NAMPT: variants seen among roughly 807,000 people sequenced by gnomAD.
NAMPT encodes NAmPRTase.
NAMPT carries 7 observed loss-of-function variants against 58.7 expected under a neutral mutation model. The observed-to-expected ratio is 0.12, with a 90% CI of 0.07 to 0.22. The LOEUF is 0.22. Among genes scored for constraint, NAMPT ranks in the 10% least tolerant of loss-of-function variants. The pLI is 1.00. For synonymous variants in NAMPT, 145 were observed against 198.1 expected, an observed-to-expected ratio of 0.73 and a Z score of 2.25; for missense variants, 271 against 567.9, an observed-to-expected ratio of 0.48 and a Z score of 5.31.
chr7:106,254,575 G>A, intron 8 of NAMPT, 71 bp from the exon 9 acceptor site: 3 of 1,485,902 alleles, frequency 2.0e-6, no homozygotes, highest in South Asian at 2.3e-5. Flanking sequence ...ATTTTCAAGG[G>A]ACAATATTGA....
At chr7:106,260,132 G>T (rs925161057) in intron 8 of NAMPT, among the ~76,000 whole-genome samples, 1 of 152,190 alleles carries the variant, frequency 6.6e-6, no homozygotes, top group African/African-American at 2.4e-5. Context: ...AGCAGATGTT[G>T]TCTTCTCTCT....
At chr7:106,277,840 T>C (rs1792680900) in intron 1 of NAMPT, among the ~76,000 whole-genome samples, 1 of 152,230 alleles carries the variant, frequency 6.6e-6, no homozygotes, top group South Asian at 2.1e-4. Context: ...CACAAATTTC[T>C]TTTCCATGAA....
In NAMPT at chr7:106,250,232, T is replaced by C. The variant is rs1289200654; in HGVS notation, c.*851A>G. 6.6e-6 allele frequency: 1 copy of C among 152,384 alleles called. No individual in the cohort carries two copies. Among genetic ancestry groups the C allele is most frequent in the African/African-American group, 2.4e-5 (1 of 41,410 alleles). The allele number at this position is 152,384 out of a possible 1,614,324, so 9.4% of individuals were successfully genotyped here. On this transcript the variant is annotated 3_prime_UTR_variant, in exon 11 of 11. Coordinates refer to ENST00000222553, the MANE Select transcript of NAMPT (RefSeq NM_005746.3). ...CTTCCACTTTTGTAAGTATTTTACA[T>C]TTATGTATATATTCTATAGTGGAAG...
chr7:106,274,180 A>T (rs891879583), intron 3 of NAMPT, among the ~76,000 whole-genome samples: 2 of 151,724 alleles, frequency 1.3e-5, no homozygotes, highest in Non-Finnish European at 2.9e-5. Context: ...CTCACTATAC[A>T]GTGAGAAACT....
At chr7:106,252,902 A>G in intron 10 of NAMPT, 115 bp downstream of exon 10, 1 of 1,302,000 alleles carries the variant, frequency 7.7e-7, no homozygotes, top group Non-Finnish European at 1.0e-6. Flanking sequence ...ACATTTTATA[A>G]TAAAATATAA....
intron 4 of NAMPT, among the ~76,000 whole-genome samples, chr7:106,271,613 ATTAG>A (rs575649484): frequency 1.2e-4 from 19 of 152,172 alleles, no homozygotes; most frequent in Admixed American, 5.2e-4. Context: ...TGAGTGTATT[ATTAG>A]TTAATGGCCC....
At chr7:106,276,851 A>C (rs1792656740) in intron 2 of NAMPT, 172 bp downstream of exon 2, 1 of 595,454 alleles carries the variant, frequency 1.7e-6, no homozygotes, top group Non-Finnish European at 2.9e-6. Context: ...TCCAAAAAAA[A>C]AAAAAAACCT....
intron 4 of NAMPT, chr7:106,272,149 A>C: frequency 2.8e-6 from 1 of 357,538 alleles, no homozygotes; most frequent in Non-Finnish European, 5.6e-6. Flanking sequence ...AGAAGTTGGA[A>C]TAAAGTTCCT....
intron 1 of NAMPT, among the ~76,000 whole-genome samples, chr7:106,277,531 C>T (rs914002428): frequency 6.6e-6 from 1 of 152,280 alleles, no homozygotes; most frequent in Non-Finnish European, 1.5e-5. Flanking sequence ...AAGGAATGAA[C>T]TGAAAGACAG....
upstream of NAMPT, chr7:106,285,032 G>A (rs1029262947): frequency 2.9e-5 from 40 of 1,397,984 alleles, no homozygotes; most frequent in African/African-American, 4.3e-5. Context: ...AGAGGGGAGG[G>A]GTCAGAGGAG....
At chr7:106,276,913 T>A in intron 2 of NAMPT, 110 bp downstream of exon 2, 1 of 851,820 alleles carries the variant, frequency 1.2e-6, no homozygotes. Context: ...CACACCAAAT[T>A]ATATGATTTA....
chr7:106,265,426 A>G (rs1792391582), intron 6 of NAMPT, among the ~76,000 whole-genome samples: 2 of 151,114 alleles, frequency 1.3e-5, no homozygotes, highest in Non-Finnish European at 3.0e-5. Flanking sequence ...TTTTTCCCCT[A>G]TTTCTATGGT....
Position 106,250,819 on chromosome 7 carries a change from G to C in NAMPT, c.*264C>G, listed in dbSNP as rs1792093142. 13 of 387,210 alleles carry C rather than the reference G, an allele frequency of 3.4e-5. No homozygotes were observed. In the South Asian group the frequency reaches 5.6e-4, roughly 17 times the overall value. The allele number at this position is 387,210 out of a possible 1,614,324, so 24.0% of individuals were successfully genotyped here. A position where few individuals can be genotyped will look rare whatever the true frequency, so the allele number is the denominator to read the frequency against. ...TAAAAGTTTCTCAGTTCTGTTATTT[G>C]TGAAAAGATCAATACCAGATTGAAT... On this transcript the variant is annotated 3_prime_UTR_variant, in exon 11 of 11. Transcript: ENST00000222553.
intron 8 of NAMPT, among the ~76,000 whole-genome samples, chr7:106,257,124 A>ACAAGAG (rs1380867727): frequency 6.6e-6 from 1 of 151,960 alleles, no homozygotes. Flanking sequence ...AGCTTGGGCA[A>ACAAGAG]CAAGAGCAAA....
chr7:106,248,609 C>T lies in NAMPT; in HGVS notation c.*2474G>A, dbSNP rs1426554071. The stretch of plus-strand genomic sequence containing the variant: ...AACATTTTACTTTAATTATAGGGTA[C>T]AAATAAGAGTCTTAACACAGAAATC... On this transcript the variant is annotated 3_prime_UTR_variant, in exon 11 of 11. Transcript: ENST00000222553. The T allele has an allele frequency of 6.6e-6, 1 of 151,976 alleles. No homozygotes were observed. The highest frequency in any genetic ancestry group is 1.5e-5 in the Non-Finnish European group (1 of 67,946). The allele number at this position is 151,976 out of a possible 1,614,324, so 9.4% of individuals were successfully genotyped here. A position where few individuals can be genotyped will look rare whatever the true frequency, so the allele number is the denominator to read the frequency against.
chr7:106,258,817 T>C (rs1792253815), intron 8 of NAMPT, among the ~76,000 whole-genome samples: 1 of 150,368 alleles, frequency 6.7e-6, no homozygotes, highest in South Asian at 2.2e-4. Context: ...CTTGCCCTGT[T>C]GTTGATGGCT....
intron 6 of NAMPT, among the ~76,000 whole-genome samples, chr7:106,264,865 T>C (rs1242628060): frequency 6.6e-6 from 1 of 151,944 alleles, no homozygotes; most frequent in Non-Finnish European, 1.5e-5. Flanking sequence ...ATAATCACTT[T>C]ATACAATGTG....
chr7:106,284,785 G>C lies in NAMPT; in HGVS notation c.57+43C>G, dbSNP rs1347155473. On this transcript the variant is annotated intron_variant, in intron 1 of 10. Coordinates refer to ENST00000222553, the MANE Select transcript of NAMPT (RefSeq NM_005746.3). ...CCCCCCTGCCGCGCGCTCGTCCCCAGCGCGCCCCGCTCCTCCTCATCTGCC... is the reference window on the plus strand; with the variant it reads ...CCCCCCTGCCGCGCGCTCGTCCCCACCGCGCCCCGCTCCTCCTCATCTGCC... The C allele has an allele frequency of 2.6e-6, 3 of 1,139,276 alleles. No individual in the cohort carries two copies. In the Admixed American group the frequency reaches 8.8e-5, roughly 33 times the overall value. 70.6% of individuals were successfully genotyped at this position (1,139,276 alleles called of 1,614,324 possible).
At chr7:106,279,371 C>T (rs1286819811) in intron 1 of NAMPT, among the ~76,000 whole-genome samples, 1 of 152,144 alleles carries the variant, frequency 6.6e-6, no homozygotes, top group African/African-American at 2.4e-5. Flanking sequence ...TATTAACTAT[C>T]TACTAACACC....
Sources: allele counts gnomAD v4.1 joint callset (sites outside exome capture counted in the v4.1 genomes callset), GRCh38; gene constraint gnomAD v4.1.1; transcripts MANE v1.5; gene names NCBI Gene and HGNC (gene_info 2026-07-23, HGNC 2026-07-21).